FAT2: variants seen among roughly 807,000 people sequenced by gnomAD.
FAT2 encodes protocadherin Fat 2.
A neutral mutation model predicts 295.3 loss-of-function variants in FAT2; 150 were observed. That is an observed-to-expected ratio of 0.51 (90% CI 0.44 to 0.58). The LOEUF is 0.58. Among genes scored for constraint, FAT2 ranks in the 20% least tolerant of loss-of-function variants. The pLI, the probability that FAT2 is intolerant of heterozygous loss-of-function variation, is 0.00. For missense variants in FAT2, 4,868 were observed against 5,442.7 expected (o/e 0.89, Z 3.32); for synonymous variants, 2,026 against 2,150.3 (o/e 0.94, Z 1.60).
At position 151,532,391 on chromosome 5, in the gene FAT2, ACACACACACACAC is replaced by A. The variant is rs1332707790; in HGVS notation, c.9428-434_9428-422del. Among the ~76,000 whole-genome samples the A allele has an allele frequency of 9.8e-4, 4 of 4,078 alleles. No homozygotes were observed. The African/African-American group carries it at 0.024, about 25-fold the overall frequency. 2.7% of individuals were successfully genotyped at this position (4,078 alleles called of 152,430 possible). On this transcript the variant is annotated intron_variant, in intron 13 of 23. Transcript: ENST00000261800. ...TAGAACTAAGTGTGCGTGTACAAAC[ACACACACACACAC>A]ACACACACACACACGCAAATGAGTG...
chr5:151,551,379 A>T, intron 7 of FAT2, 88 bp downstream of exon 7: 2 of 1,386,558 alleles, frequency 1.4e-6, no homozygotes, highest in Non-Finnish European at 2.0e-6. Context: ...GGAACACCAC[A>T]TCCACAGAAA....
rs1343355597 is a variant in FAT2, at chr5:151,566,053, A to C, written c.2879T>G (p.Val960Gly). ...GGCGCCATCCATCAGAACATATCGC[A>C]CTTCACCTGCGGGGCCCAGGTCAGG... ...SDPDLGPAGE[V>G]RYVLMDGAHG... Residue 960 changes from valine to glycine, a missense_variant, in exon 2 of 24, where the codon GTG becomes GGG. By Grantham distance (109) the Val-to-Gly change is moderately radical. Around this residue, in one of 5 missense-constraint regions of FAT2, gnomAD observed 3,297 missense variants for 3,669.4 expected, o/e 0.90. Transcript: ENST00000261800. 8 of 1,613,942 alleles carry C rather than the reference A, an allele frequency of 5.0e-6. No homozygotes were observed. The highest frequency in any genetic ancestry group is 6.8e-6 in the Non-Finnish European group (8 of 1,179,988).
chr5:151,581,774 C>T (rs1758966125), intron 1 of FAT2, among the ~76,000 whole-genome samples: 1 of 152,186 alleles, frequency 6.6e-6, no homozygotes, highest in Non-Finnish European at 1.5e-5. Flanking sequence ...CCCTGGCCCG[C>T]TCCCCATGCC....
chr5:151,535,488 C>T (rs1167484601), intron 12 of FAT2, among the ~76,000 whole-genome samples: 1 of 152,216 alleles, frequency 6.6e-6, no homozygotes, highest in East Asian at 1.9e-4. Flanking sequence ...GAACACAGGG[C>T]GGTTCCTGGA....
chr5:151,531,766 AGG>A lies in FAT2; in HGVS notation c.9630_9631del (p.Leu3211ArgfsTer71). 1 of 1,612,506 alleles carries A rather than the reference AGG, an allele frequency of 6.2e-7. No individual in the cohort carries two copies. Among genetic ancestry groups the A allele is most frequent in the Non-Finnish European group, 8.5e-7 (1 of 1,179,900 alleles). On this transcript the variant is annotated frameshift_variant, in exon 14 of 24. Coordinates refer to ENST00000261800, the MANE Select transcript of FAT2 (RefSeq NM_001447.3). LOFTEE classifies it high-confidence loss of function. This position sits in a 1 kb window ranked among gnomAD's most constrained non-coding sequence, Gnocchi z 5.7. ...CAGGAACACGGGCAGGTAGTCTTCT[AGG>A]CCCACCACCGAGACTGTGACGGTGC...
rs1758273205 is a variant in FAT2 at position 151,566,506 on chromosome 5, T to C, written c.2426A>G (p.Asn809Ser). The C allele has an allele frequency of 6.2e-7, 1 of 1,613,974 alleles. No homozygotes were observed. Among genetic ancestry groups the C allele is most frequent in the Admixed American group, 1.7e-5 (1 of 60,002 alleles). The change falls in exon 2 of 24, where the codon AAT (asparagine) becomes AGT (serine). Residue 809 changes from asparagine to serine, a missense_variant. Around this residue, in one of 5 missense-constraint regions of FAT2, gnomAD observed 3,297 missense variants for 3,669.4 expected, o/e 0.90. Transcript: ENST00000261800. ...TGCGTTGTCATTCCAGTCTTTCACATTCACTGTCAGCAGCTTCCAGGAGGA... is the reference window on the plus strand; with the variant it reads ...TGCGTTGTCATTCCAGTCTTTCACACTCACTGTCAGCAGCTTCCAGGAGGA... ...QKSSWKLLTV[N>S]VKDWNDNAPR...
upstream of FAT2, among the ~76,000 whole-genome samples, chr5:151,593,203 T>C (rs1759481706): frequency 6.6e-6 from 1 of 152,224 alleles, no homozygotes; most frequent in African/African-American, 2.4e-5. Context: ...CACTCAAGCC[T>C]CCAAGTTTGG....
At position 151,582,842 on chromosome 5, in the gene FAT2, G is replaced by A. The variant is rs188052110; in HGVS notation, c.-21+8323C>T. On this transcript the variant is annotated intron_variant, in intron 1 of 23. Transcript: ENST00000261800. The stretch of plus-strand genomic sequence containing the variant: ...TGGGACTCATATTTCCTCTGTAGGT[G>A]GTCTGCTGACTGTTGGTGGGGGGAA... 9.9e-5 allele frequency among the ~76,000 whole-genome samples: 15 copies of A among 152,272 alleles called. No homozygotes were observed. The East Asian group carries it at 2.9e-3, about 29-fold the overall frequency.
rs761637627 is a variant in FAT2, at chr5:151,506,010, G to A, written c.12605C>T (p.Pro4202Leu). The A allele has an allele frequency of 6.3e-7, 1 of 1,575,756 alleles. No homozygotes were observed. The highest frequency in any genetic ancestry group is 1.2e-5 in the South Asian group (1 of 84,314). The change falls in exon 24 of 24, where the codon CCT becomes CTT. Residue 4202 changes from proline (P) to leucine (L), a missense_variant. Physicochemically the swap from Pro to Leu is moderately conservative, Grantham distance 98. This residue lies in a region of FAT2 where 492 missense variants were observed against 482.6 expected (regional missense o/e 1.02). Transcript: ENST00000261800. The part of the protein sequence containing the change: ...EYPHSEVTQG[P>L]LPPSAHRHST... ...GTGGCGGTGAGCCGAGGGCGGCAGA[G>A]GGCCCTGAGTCACTTCGGAGTGGGG...
At position 151,547,061 on chromosome 5, in the gene FAT2, T is replaced by C. The variant is rs140231832; in HGVS notation, c.4790-724A>G. 2.6e-4 allele frequency among the ~76,000 whole-genome samples: 40 copies of C among 152,326 alleles called. No individual in the cohort carries two copies. The East Asian group carries it at 7.7e-3, about 29-fold the overall frequency. The stretch of plus-strand genomic sequence containing the variant: ...ATGTTACACTATTATTTAATTGATG[T>C]TTTCCTTTAAATTAACTCACTCAAA... On this transcript the variant is annotated intron_variant, in intron 9 of 23. Transcript: ENST00000261800.
rs1180745491 is a variant in FAT2, at chr5:151,528,059, C to A, written c.10101G>T (p.Gly3367=). The A allele has an allele frequency of 6.2e-7, 1 of 1,614,200 alleles. No homozygotes were observed. The highest frequency in any genetic ancestry group is 2.2e-5 in the East Asian group (1 of 44,888). ...TYSLIGGNQL[G]HFTIHPKKGE... ...CCTTTTTGGGGTGAATGGTGAAGTG[C>A]CCAAGCTGGTTCCCTCCTATGAGGC... Residue 3367 remains glycine, a synonymous_variant, in exon 16 of 24, where the codon GGG becomes GGT. Transcript: ENST00000261800.
chr5:151,513,852 T>C (rs1752571563), intron 20 of FAT2, among the ~76,000 whole-genome samples: 1 of 152,252 alleles, frequency 6.6e-6, no homozygotes, highest in Non-Finnish European at 1.5e-5. Context: ...TCAGTTTTAA[T>C]GTCTAATACT....
rs1340091193 is a variant in FAT2, at chr5:151,567,384, G to A, written c.1548C>T (p.Thr516=). 3.1e-6 allele frequency: 5 copies of A among 1,614,126 alleles called. No individual in the cohort carries two copies. Among genetic ancestry groups the A allele is most frequent in the Middle Eastern group, 3.3e-4 (2 of 6,062 alleles). ...TGAGTTCATAGTCCATGGGTTTGGA[G>A]GTGGAGATGATCCCCAGGTAGGGGT... ...SIDPYLGIIS[T]SKPMDYELMK... is the part of the protein sequence containing the mutation. The change falls in exon 2 of 24, where the codon ACC becomes ACT. Residue 516 remains threonine (T), a synonymous_variant. Transcript: ENST00000261800.
At chr5:151,536,871 C>T (rs1391988601) in intron 12 of FAT2, among the ~76,000 whole-genome samples, 1 of 152,224 alleles carries the variant, frequency 6.6e-6, no homozygotes, top group Non-Finnish European at 1.5e-5. Flanking sequence ...ACCCTGGGGC[C>T]TCATTCTTTG....
At chr5:151,526,334 C>A (rs988389222) in intron 17 of FAT2, among the ~76,000 whole-genome samples, 1 of 152,122 alleles carries the variant, frequency 6.6e-6, no homozygotes, top group South Asian at 2.1e-4. Context: ...GGGAATGTTG[C>A]GATTTGCAAA....
Position 151,543,078 on chromosome 5 carries a change from A to G in FAT2, c.8049T>C (p.Pro2683=), listed in dbSNP as rs1756313118. The G allele has an allele frequency of 6.8e-6, 11 of 1,614,198 alleles. No homozygotes were observed. In the East Asian group the frequency reaches 2.5e-4, roughly 36 times the overall value. ...AAAATTTCGGTAAGGATACTTTTTT[A>G]GGAACCACCTGAAGTCGTACTGGCA... ...SLVPVRLQVV[P]KKVSLPKFSE... is the part of the protein sequence containing the mutation. Residue 2683 remains proline (P), a synonymous_variant, in exon 10 of 24, where the codon CCT becomes CCC. Transcript: ENST00000261800.
At chr5:151,517,835 C>T in intron 19 of FAT2, 70 bp from the exon 20 acceptor site, 1 of 1,561,704 alleles carries the variant, frequency 6.4e-7, no homozygotes, top group Non-Finnish European at 8.8e-7. Flanking sequence ...CTGACTTTGT[C>T]TTATTTAATC....
intron 1 of FAT2, among the ~76,000 whole-genome samples, chr5:151,577,800 C>G (rs1355500674): frequency 6.6e-6 from 1 of 152,090 alleles, no homozygotes; most frequent in African/African-American, 2.4e-5. Context: ...TGTCTGGGGT[C>G]TCTTCCTCTT....
intron 22 of FAT2, among the ~76,000 whole-genome samples, chr5:151,508,401 C>T (rs1761057758): frequency 6.6e-6 from 1 of 152,188 alleles, no homozygotes; most frequent in African/African-American, 2.4e-5. Flanking sequence ...CAGGACACAC[C>T]AGTTGCTGAG....
Sources: allele counts gnomAD v4.1 joint callset (sites outside exome capture counted in the v4.1 genomes callset), GRCh38; gene constraint gnomAD v4.1.1; regional missense constraint gnomAD v4.1.1; non-coding constraint Gnocchi (gnomAD v3.1); transcripts MANE v1.5; gene names NCBI Gene and HGNC (gene_info 2026-07-23, HGNC 2026-07-21).